FBRSL1: variants seen among roughly 807,000 people sequenced by gnomAD.
FBRSL1 encodes fibrosin like 1, also known as fibrosin-1-like protein.
A neutral mutation model predicts 89.6 loss-of-function variants in FBRSL1; 51 were observed. The ratio of observed to expected loss-of-function variants is 0.57; its 90% CI spans 0.45 to 0.72. The LOEUF is 0.72. Ranked by LOEUF, FBRSL1 falls within the 30% of genes least tolerant of loss-of-function variation. The probability of loss-of-function intolerance (pLI) is 0.00; values close to 1 mark genes in which losing one functional copy is unlikely to be tolerated. For missense variants in FBRSL1, 1,618 were observed against 1,451.8 expected (o/e 1.11, Z -1.86); for synonymous variants, 779 against 681.1 (o/e 1.14, Z -2.24).
chr12:132,527,837 TGCAGGGCTGCGGG>T, intron 3 of FBRSL1, 103 bp from the exon 4 acceptor site: 2 of 969,054 alleles, frequency 2.1e-6, no homozygotes, highest in Non-Finnish European at 3.2e-6. Context: ...GGCTGTGAGC[TGCAGGGCTGCGGG>T]GCAGGGCTAA....
chr12:132,550,907 T>A (rs951279358), intron 5 of FBRSL1: 21 of 166,062 alleles, frequency 1.3e-4, no homozygotes, highest in Non-Finnish European at 2.6e-5. Context: ...GTTCAGGGGG[T>A]CAGGAACTTA....
intron 4 of FBRSL1, among the ~76,000 whole-genome samples, chr12:132,545,359 C>T (rs1051806980): frequency 2.6e-5 from 4 of 152,222 alleles, no homozygotes; most frequent in African/African-American, 9.6e-5. Flanking sequence ...TGATTAATTG[C>T]CTCATTCAAT....
chr12:132,583,408 C>T lies in FBRSL1; in HGVS notation c.2639C>T (p.Pro880Leu), dbSNP rs1229506211. ...CCGGGCTCCGCCGCCCTCTTGGAGC[C>T]CCCGGAGCGCCCCTACCGCGACCGC... ...PAPGSAALLE[P>L]PERPYRDREP... Residue 880 changes from proline (P) to leucine (L), a missense_variant, in exon 19 of 19, where the codon CCC (proline) becomes CTC (leucine). By Grantham distance (98) the Pro-to-Leu change is moderately conservative (BLOSUM62 -3). Coordinates refer to ENST00000680143, the MANE Select transcript of FBRSL1 (RefSeq NM_001367871.1). 5.6e-6 allele frequency: 6 copies of T among 1,077,030 alleles called. No homozygotes were observed. In the East Asian group the frequency reaches 4.6e-4, roughly 82 times the overall value. 66.7% of individuals were successfully genotyped at this position (1,077,030 alleles called of 1,614,324 possible). A position where few individuals can be genotyped will look rare whatever the true frequency, so the allele number is the denominator to read the frequency against.
At chr12:132,492,090 C>A (rs1033131342) in intron 1 of FBRSL1, among the ~76,000 whole-genome samples, 4 of 152,222 alleles carry the variant, frequency 2.6e-5, no homozygotes, top group Admixed American at 1.3e-4. Context: ...ACAGACTGTA[C>A]GTGTACTGAG....
intron 5 of FBRSL1, chr12:132,553,014 A>C (rs1052425944): frequency 6.5e-6 from 1 of 153,086 alleles, no homozygotes; most frequent in Admixed American, 6.5e-5. Flanking sequence ...CCGGCAGGCC[A>C]GGCACCTTCT....
At position 132,572,933 on chromosome 12, in the gene FBRSL1, G is replaced by A. The variant is rs996828796; in HGVS notation, c.1530+311G>A. The stretch of plus-strand genomic sequence containing the variant: ...AGTCCTTGGCAGGAGGCCCTGGTGT[G>A]GACAGCAGCCTCACAGGCCGTCCTT... On this transcript the variant is annotated intron_variant, in intron 11 of 18. Coordinates refer to ENST00000680143, the MANE Select transcript of FBRSL1 (RefSeq NM_001367871.1). Among the ~76,000 whole-genome samples the A allele has an allele frequency of 1.2e-3, 178 of 152,330 alleles. 1 individual carries two copies. Among genetic ancestry groups the A allele is most frequent in the African/African-American group, 4.1e-3 (171 of 41,568 alleles).
chr12:132,575,095 G>T (rs2040296142), intron 14 of FBRSL1, among the ~76,000 whole-genome samples: 1 of 152,104 alleles, frequency 6.6e-6, no homozygotes, highest in South Asian at 2.1e-4. Context: ...GGGGACTGTT[G>T]CCTCAGCCCC....
intron 4 of FBRSL1, among the ~76,000 whole-genome samples, chr12:132,544,101 C>T (rs895365928): frequency 3.0e-4 from 46 of 152,276 alleles, no homozygotes; most frequent in South Asian, 6.2e-4. Flanking sequence ...GGCCAATCAC[C>T]GGAATCACCC....
Position 132,583,567 on chromosome 12 carries a change from T to G in FBRSL1, c.2798T>G (p.Leu933Arg), listed in dbSNP as rs2040944314. The change falls in exon 19 of 19, where the codon CTC (leucine) becomes CGC (arginine). Residue 933 changes from leucine (L) to arginine (R), a missense_variant. Physicochemically the swap from Leu to Arg is moderately radical, Grantham distance 102. Coordinates refer to ENST00000680143, the MANE Select transcript of FBRSL1 (RefSeq NM_001367871.1). ...PSLGALHFPRLSPAALHNGLL... is the reference protein window; with the variant it reads ...PSLGALHFPRRSPAALHNGLL... ...CTGGGAGCCCTGCACTTCCCGCGCC[T>G]CTCGCCCGCCGCGCTGCACAATGGG... 2.9e-6 allele frequency: 3 copies of G among 1,026,846 alleles called. No individual in the cohort carries two copies. Among genetic ancestry groups the G allele is most frequent in the Non-Finnish European group, 3.5e-6 (3 of 857,110 alleles). The allele number at this position is 1,026,846 out of a possible 1,614,324, so 63.6% of individuals were successfully genotyped here.
chr12:132,561,008 G>A (rs914862945), intron 5 of FBRSL1, among the ~76,000 whole-genome samples: 7 of 152,238 alleles, frequency 4.6e-5, no homozygotes, highest in African/African-American at 1.4e-4. Flanking sequence ...GCCCCAGAAG[G>A]TGCAGCTGCT....
chr12:132,528,571 G>A (rs1026654556), intron 4 of FBRSL1, among the ~76,000 whole-genome samples: 4 of 151,890 alleles, frequency 2.6e-5, no homozygotes, highest in Non-Finnish European at 5.9e-5. Context: ...CCCAGGGGGA[G>A]CGGGTGTGTT....
intron 2 of FBRSL1, chr12:132,511,901 A>G: frequency 1.0e-6 from 1 of 982,396 alleles, no homozygotes; most frequent in Non-Finnish European, 1.2e-6. Flanking sequence ...CGCAGGGCTT[A>G]TTTTTCTGAT....
intron 1 of FBRSL1, among the ~76,000 whole-genome samples, chr12:132,498,912 G>A (rs772245595): frequency 1.3e-5 from 2 of 152,230 alleles, no homozygotes; most frequent in African/African-American, 2.4e-5. Context: ...CAGAGAGGCC[G>A]ACAACCCCAG....
chr12:132,510,372 C>T (rs1198002997), intron 2 of FBRSL1: 3 of 1,231,780 alleles, frequency 2.4e-6, no homozygotes, highest in African/African-American at 3.1e-5. Context: ...CTGCCGGCCC[C>T]TGCGGTCCCG....
At chr12:132,516,284 A>G (rs1338844583) in intron 2 of FBRSL1, among the ~76,000 whole-genome samples, 1 of 151,714 alleles carries the variant, frequency 6.6e-6, no homozygotes, top group Non-Finnish European at 1.5e-5. Flanking sequence ...TCCCGGGTTC[A>G]AGCAGTTCTC....
At chr12:132,512,241 G>A (rs542969982) in intron 2 of FBRSL1, among the ~76,000 whole-genome samples, 2 of 152,374 alleles carry the variant, frequency 1.3e-5, no homozygotes, top group African/African-American at 2.4e-5. Context: ...TGCCTGGGGG[G>A]CACCCATCCC....
At chr12:132,495,703 C>T (rs1400661280) in intron 1 of FBRSL1, among the ~76,000 whole-genome samples, 2 of 152,214 alleles carry the variant, frequency 1.3e-5, no homozygotes, top group African/African-American at 4.8e-5. Flanking sequence ...CACAGAGTCC[C>T]ACAGCTGTGG....
At chr12:132,527,532 G>C (rs948815989) in intron 3 of FBRSL1, among the ~76,000 whole-genome samples, 3 of 152,200 alleles carry the variant, frequency 2.0e-5, no homozygotes, top group Non-Finnish European at 4.4e-5. Context: ...AGGATGTCTC[G>C]CTGGTGGTCT....
At chr12:132,498,245 T>G (rs188574183) in intron 1 of FBRSL1, among the ~76,000 whole-genome samples, 2,469 of 152,126 alleles carry the variant, frequency 0.016, 63 homozygotes, top group African/African-American at 0.056. Flanking sequence ...GAGGCCTGTG[T>G]CGGGGGCATG....
Sources: gnomAD v4.1 joint callset for allele counts (sites outside exome capture counted in the v4.1 genomes callset) on GRCh38, gnomAD v4.1.1 for gene constraint, MANE v1.5 for transcripts, NCBI Gene and HGNC (gene_info 2026-07-23, HGNC 2026-07-21) for gene names.